Variants in SNX29 observed in about 807,000 individuals in gnomAD.
SNX29 encodes sorting nexin-29.
Under a neutral mutation model 102.1 loss-of-function variants are expected in SNX29, and 78 were observed. That is an observed-to-expected ratio of 0.76 (90% CI 0.64 to 0.92). The LOEUF is 0.92. SNX29 is among the 40% of genes least tolerant of loss of function. SNX29 has a pLI of 0.00. For synonymous variants in SNX29, 580 were observed against 414.5 expected (o/e 1.40, Z -4.85); for missense variants, 1,280 against 1,061.7 (o/e 1.21, Z -2.86).
intron 16 of SNX29, among the ~76,000 whole-genome samples, chr16:12,397,790 G>A (rs1023709256): frequency 7.2e-5 from 11 of 152,174 alleles, no homozygotes; most frequent in Non-Finnish European, 1.6e-4. Context: ...CTGAGGATAG[G>A]TAGCTTACTG....
rs554654738 is a variant in SNX29 at position 12,284,291 on chromosome 16, C to G, written c.1782+6255C>G. On this transcript the variant is annotated intron_variant, in intron 15 of 20. Coordinates refer to ENST00000566228, the MANE Select transcript of SNX29 (RefSeq NM_032167.5). Reference sequence around the variant, plus strand: ...TTCCTGGGCACGCCCCCTAACCTCTCTAAGCCTCAAGTTCTCTGTTAGTGA... The same window carrying G: ...TTCCTGGGCACGCCCCCTAACCTCTGTAAGCCTCAAGTTCTCTGTTAGTGA... Among the ~76,000 whole-genome samples the G allele has an allele frequency of 3.3e-5, 5 of 152,394 alleles. No individual in the cohort carries two copies. The South Asian group carries it at 1.0e-3, about 32-fold the overall frequency.
chr16:12,017,623 A>T (rs1291538212), intron 3 of SNX29, among the ~76,000 whole-genome samples: 2 of 151,884 alleles, frequency 1.3e-5, no homozygotes, highest in Non-Finnish European at 2.9e-5. Flanking sequence ...ATTCTTCAGT[A>T]TTTTTCTCAG....
At chr16:12,444,531 CT>C (rs766800725) in intron 18 of SNX29, among the ~76,000 whole-genome samples, 7 of 152,234 alleles carry the variant, frequency 4.6e-5, no homozygotes, top group Non-Finnish European at 1.0e-4. Flanking sequence ...GACTTTTCTT[CT>C]TTGCCTGAGC....
At chr16:12,142,014 C>G (rs2054885437) in intron 13 of SNX29, among the ~76,000 whole-genome samples, 1 of 152,200 alleles carries the variant, frequency 6.6e-6, no homozygotes, top group Non-Finnish European at 1.5e-5. Context: ...ACTCATCATC[C>G]TCGTGATGAC....
chr16:12,477,419 A>T (rs921078203), intron 18 of SNX29, among the ~76,000 whole-genome samples: 3 of 152,236 alleles, frequency 2.0e-5, no homozygotes, highest in Non-Finnish European at 4.4e-5. Context: ...TACACACATG[A>T]CAGCAACATG....
intron 13 of SNX29, among the ~76,000 whole-genome samples, chr16:12,146,643 C>T (rs1248238649): frequency 6.6e-6 from 1 of 152,162 alleles, no homozygotes; most frequent in Non-Finnish European, 1.5e-5. Context: ...AGAAATGGAG[C>T]TAGTTCTACT....
At chr16:12,417,693 T>C (rs187334329) in intron 18 of SNX29, among the ~76,000 whole-genome samples, 142 of 152,184 alleles carry the variant, frequency 9.3e-4, no homozygotes, top group African/African-American at 3.3e-3. Context: ...TCCTGTTCTG[T>C]GTCCTCTCTT....
At chr16:12,202,260 T>A (rs974735296) in intron 14 of SNX29, among the ~76,000 whole-genome samples, 2 of 152,144 alleles carry the variant, frequency 1.3e-5, no homozygotes, top group Non-Finnish European at 2.9e-5. Flanking sequence ...TTTTTCTCTC[T>A]CCAAGAGAAT....
At chr16:12,496,052 A>T (rs960977544) in intron 19 of SNX29, among the ~76,000 whole-genome samples, 3 of 152,198 alleles carry the variant, frequency 2.0e-5, no homozygotes, top group African/African-American at 4.8e-5. Flanking sequence ...TGTCAAAAAA[A>T]AAATGTCTGC....
At chr16:12,398,796 G>A (rs889195144) in intron 17 of SNX29, among the ~76,000 whole-genome samples, 2 of 151,446 alleles carry the variant, frequency 1.3e-5, no homozygotes, top group African/African-American at 2.4e-5. Flanking sequence ...AAAATGAGAC[G>A]CTTGTCCCTG....
At position 12,098,340 on chromosome 16, in the gene SNX29, C is replaced by G. The variant is rs1027065520; in HGVS notation, c.1402+19425C>G. ...GATACCGTAAAGGATTTCTCTTCCA[C>G]TCCCACATCAGCCACCTTGCTCCCC... On this transcript the variant is annotated intron_variant, in intron 11 of 20. Transcript: ENST00000566228. This position sits in a 1 kb window ranked among gnomAD's most constrained non-coding sequence, Gnocchi z 6.0. 1.3e-5 allele frequency among the ~76,000 whole-genome samples: 2 copies of G among 152,210 alleles called. No individual in the cohort carries two copies. Among genetic ancestry groups the G allele is most frequent in the Non-Finnish European group, 2.9e-5 (2 of 68,046 alleles).
intron 20 of SNX29, among the ~76,000 whole-genome samples, chr16:12,562,018 G>A (rs1328150768): frequency 6.6e-6 from 1 of 152,116 alleles, no homozygotes; most frequent in African/African-American, 2.4e-5. Context: ...CAGGAGGCCT[G>A]GCCCCTCATG....
intron 19 of SNX29, among the ~76,000 whole-genome samples, chr16:12,484,494 G>T (rs78354547): frequency 0.03 from 4,495 of 152,178 alleles, 208 homozygotes; most frequent in African/African-American, 0.1. Flanking sequence ...GACACCCCTG[G>T]TACTTACAAT....
At chr16:12,278,349 C>G (rs766730409) in intron 15 of SNX29, among the ~76,000 whole-genome samples, 47 of 152,052 alleles carry the variant, frequency 3.1e-4, no homozygotes, top group Non-Finnish European at 5.9e-4. Context: ...ATCACATGCA[C>G]CTTTGTGCTG....
At chr16:12,342,643 G>C (rs1184402307) in intron 15 of SNX29, among the ~76,000 whole-genome samples, 1 of 152,172 alleles carries the variant, frequency 6.6e-6, no homozygotes, top group Non-Finnish European at 1.5e-5. Flanking sequence ...GGCTCATTTA[G>C]TCCTCATAAC....
intron 11 of SNX29, among the ~76,000 whole-genome samples, chr16:12,119,279 C>G (rs896502713): frequency 6.6e-6 from 1 of 152,158 alleles, no homozygotes; most frequent in South Asian, 2.1e-4. Context: ...TGTCTGTATC[C>G]GCTTTTGGGA....
intron 17 of SNX29, 28 bp downstream of exon 17, chr16:12,398,529 G>A (rs2083805561): frequency 6.2e-7 from 1 of 1,613,666 alleles, no homozygotes; most frequent in Non-Finnish European, 8.5e-7. Context: ...GCTCACAAGG[G>A]GTCCTTTAGA....
intron 15 of SNX29, among the ~76,000 whole-genome samples, chr16:12,338,880 C>G (rs577680026): frequency 7.3e-4 from 111 of 152,280 alleles, no homozygotes; most frequent in African/African-American, 2.6e-3. Context: ...AACATATGGC[C>G]CAAAATCATA....
chr16:12,188,393 CTT>C (rs34634520), intron 13 of SNX29, among the ~76,000 whole-genome samples: 1 of 152,144 alleles, frequency 6.6e-6, no homozygotes. Flanking sequence ...AAAGCAAACA[CTT>C]TTTAATGGCA....
Sources: allele counts gnomAD v4.1 joint callset (sites outside exome capture counted in the v4.1 genomes callset), GRCh38; gene constraint gnomAD v4.1.1; non-coding constraint Gnocchi (gnomAD v3.1); transcripts MANE v1.5; gene names NCBI Gene and HGNC (gene_info 2026-07-23, HGNC 2026-07-21).